The following QTMAN variants were observed in gnomAD, a reference collection of about 807,000 sequenced individuals.
QTMAN encodes the protein queuosine-tRNA mannosyltransferase.
the QTMAN span, among the ~76,000 whole-genome samples, chr2:144,036,175 C>T: frequency 2.0e-5 from 3 of 152,242 alleles, no homozygotes; most frequent in East Asian, 3.9e-4. Context: ...CCTTCCAAAC[C>T]GCACCAAAGA....
the QTMAN span, among the ~76,000 whole-genome samples, chr2:144,125,920 A>G: frequency 4.6e-5 from 7 of 152,060 alleles, no homozygotes; most frequent in African/African-American, 1.2e-4. Context: ...AAAATTCCCA[A>G]TGTCACCCAA....
the QTMAN span, among the ~76,000 whole-genome samples, chr2:144,264,213 T>C: frequency 6.6e-6 from 1 of 152,132 alleles, no homozygotes; most frequent in Non-Finnish European, 1.5e-5. Flanking sequence ...CAATATCACA[T>C]ATTCTATAGT....
the QTMAN span, among the ~76,000 whole-genome samples, chr2:144,284,029 G>T: frequency 6.6e-6 from 1 of 151,804 alleles, no homozygotes; most frequent in African/African-American, 2.4e-5. Flanking sequence ...ATATTAGAAA[G>T]AAAATTTTAA....
chr2:144,034,247 T>C, the QTMAN span, among the ~76,000 whole-genome samples: 8 of 152,180 alleles, frequency 5.3e-5, no homozygotes, highest in Non-Finnish European at 1.5e-5. Flanking sequence ...GTCCTGGACA[T>C]AGTAATGCAA....
chr2:144,202,460 C>G, the QTMAN span, among the ~76,000 whole-genome samples: 380 of 152,258 alleles, frequency 2.5e-3, 1 homozygote, highest in African/African-American at 8.3e-3. Context: ...ACACTAAACA[C>G]TTAAAAGCAA....
chr2:144,196,665 T>C, the QTMAN span, among the ~76,000 whole-genome samples: 1 of 152,220 alleles, frequency 6.6e-6, no homozygotes, highest in Non-Finnish European at 1.5e-5. Context: ...CTAAAGCATA[T>C]TGCCTTATTC....
At chr2:144,076,326 TC>T in the QTMAN span, among the ~76,000 whole-genome samples, 6 of 152,058 alleles carry the variant, frequency 3.9e-5, no homozygotes, top group African/African-American at 1.4e-4. Flanking sequence ...GAAAACAAAC[TC>T]CTAGGCTGTG....
the QTMAN span, among the ~76,000 whole-genome samples, chr2:144,308,851 C>T: frequency 6.6e-6 from 1 of 151,886 alleles, no homozygotes; most frequent in African/African-American, 2.4e-5. Context: ...ACTTACTCTA[C>T]AGACCAAGAG....
chr2:143,983,275 C>G, the QTMAN span, among the ~76,000 whole-genome samples: 1 of 152,054 alleles, frequency 6.6e-6, no homozygotes, highest in African/African-American at 2.4e-5. Context: ...CAGTGCCAGG[C>G]AAACAGTAAA....
At chr2:144,245,565 T>C in the QTMAN span, among the ~76,000 whole-genome samples, 1 of 152,222 alleles carries the variant, frequency 6.6e-6, no homozygotes, top group Non-Finnish European at 1.5e-5. Context: ...ATATAAGATA[T>C]ATACAAATTA....
At chr2:144,152,336 G>A in the QTMAN span, among the ~76,000 whole-genome samples, 1 of 152,088 alleles carries the variant, frequency 6.6e-6, no homozygotes, top group Non-Finnish European at 1.5e-5. Context: ...ACTGTCTTAC[G>A]GATGTTTAAG....
chr2:144,021,661 A>G, the QTMAN span, among the ~76,000 whole-genome samples: 1 of 152,226 alleles, frequency 6.6e-6, no homozygotes, highest in Admixed American at 6.5e-5. Context: ...ATTTGTTGAT[A>G]GTGACACAGA....
chr2:144,140,472 T>C, the QTMAN span, among the ~76,000 whole-genome samples: 1 of 152,042 alleles, frequency 6.6e-6, no homozygotes, highest in African/African-American at 2.4e-5. Context: ...AATTCAGATA[T>C]ATAACTGTTC....
chr2:144,272,593 C>T, the QTMAN span, among the ~76,000 whole-genome samples: 2 of 152,108 alleles, frequency 1.3e-5, no homozygotes, highest in Non-Finnish European at 2.9e-5. Flanking sequence ...TGAATCATAC[C>T]TAAGAGACAG....
At chr2:143,963,803 T>A in the QTMAN span, 9 of 152,104 alleles carry the variant, frequency 5.9e-5, no homozygotes, top group Admixed American at 2.6e-4. Context: ...TCCCATTATG[T>A]TTTGTTGTTT....
At chr2:144,154,619 A>G in the QTMAN span, among the ~76,000 whole-genome samples, 3 of 152,242 alleles carry the variant, frequency 2.0e-5, no homozygotes, top group African/African-American at 7.2e-5. Flanking sequence ...TTAAATAAAG[A>G]ACTTGCCTGA....
At chr2:144,214,833 T>C in the QTMAN span, among the ~76,000 whole-genome samples, 1 of 152,224 alleles carries the variant, frequency 6.6e-6, no homozygotes, top group Non-Finnish European at 1.5e-5. Flanking sequence ...ATTGCAATGA[T>C]CTTTTAAATA....
the QTMAN span, among the ~76,000 whole-genome samples, chr2:143,951,543 C>G: frequency 6.6e-6 from 1 of 151,414 alleles, no homozygotes; most frequent in Non-Finnish European, 1.5e-5. Flanking sequence ...TCAAGTAGTT[C>G]AAAAATGAAC....
chr2:144,177,086 A>AG, the QTMAN span: 1 of 545,682 alleles, frequency 1.8e-6, no homozygotes, highest in African/African-American at 6.4e-5. Flanking sequence ...GGACAGCACC[A>AG]AAGGGGAAAT....
Sources: gnomAD v4.1 joint callset for allele counts (sites outside exome capture counted in the v4.1 genomes callset) on GRCh38, gnomAD v4.1.1 for gene constraint, MANE v1.5 for transcripts, NCBI Gene and HGNC (gene_info 2026-07-23, HGNC 2026-07-21) for gene names.